Variants in VTI1A observed in about 807,000 individuals in gnomAD.
The protein encoded by VTI1A is vesicle transport through interaction with t-SNAREs homolog 1A.
Under a neutral mutation model 34.9 loss-of-function variants are expected in VTI1A, and 22 were observed. That is an observed-to-expected ratio of 0.63 (90% CI 0.45 to 0.90). The LOEUF (loss-of-function observed/expected upper bound fraction) is 0.90, where lower values mean the gene tolerates loss of function less well. Ranked by LOEUF, VTI1A falls within the 40% of genes least tolerant of loss-of-function variation. The probability of loss-of-function intolerance (pLI) is 0.00; values close to 1 mark genes in which losing one functional copy is unlikely to be tolerated. For synonymous variants in VTI1A, 87 were observed against 97.3 expected (o/e 0.89, Z 0.62); for missense variants, 268 against 275.6 (o/e 0.97, Z 0.20).
chr10:112,669,018 A>T lies in VTI1A; in HGVS notation c.560+20A>T. 6.2e-7 allele frequency: 1 copy of T among 1,610,126 alleles called. No homozygotes were observed. Among genetic ancestry groups the T allele is most frequent in the Admixed American group, 1.7e-5 (1 of 59,688 alleles). On this transcript the variant is annotated intron_variant, in intron 7 of 7. Coordinates refer to ENST00000393077, the MANE Select transcript of VTI1A (RefSeq NM_145206.4). ...GCGAAGGTAAGAGCAAGGTAGGGAC[A>T]TATCTTTCTCTCTGTGTGTTTTTTT...
At chr10:112,530,878 G>A (rs1850397678) in intron 4 of VTI1A, among the ~76,000 whole-genome samples, 1 of 152,076 alleles carries the variant, frequency 6.6e-6, no homozygotes, top group African/African-American at 2.4e-5. Context: ...ACGTGCTGAG[G>A]GTTTATAGCA....
intron 5 of VTI1A, among the ~76,000 whole-genome samples, chr10:112,609,760 G>T (rs939588107): frequency 1.3e-5 from 2 of 152,050 alleles, no homozygotes; most frequent in African/African-American, 4.8e-5. Flanking sequence ...AATCACATTG[G>T]TGAATTAAAT....
intron 5 of VTI1A, among the ~76,000 whole-genome samples, chr10:112,640,898 A>T (rs1292856624): frequency 6.6e-6 from 1 of 152,178 alleles, no homozygotes. Context: ...TGGGCTCCAG[A>T]AAGACGTTGA....
chr10:112,704,590 T>A (rs2133907034), intron 7 of VTI1A, among the ~76,000 whole-genome samples: 1 of 152,324 alleles, frequency 6.6e-6, no homozygotes, highest in East Asian at 1.9e-4. Context: ...AAATTGAGAC[T>A]GTTTTTAATG....
rs529477357 is a variant in VTI1A at position 112,645,477 on chromosome 10, A to G, written c.428-22741A>G. Among the ~76,000 whole-genome samples, 48 of 152,334 alleles carry G rather than the reference A, an allele frequency of 3.2e-4. No homozygotes were observed. In the South Asian group the frequency reaches 9.3e-3, roughly 30 times the overall value. On this transcript the variant is annotated intron_variant, in intron 5 of 7. Transcript: ENST00000393077. The stretch of plus-strand genomic sequence containing the variant: ...CCATGATTGCAGAAGTGCTAGGGCT[A>G]TATAAAGGAGCCATGCCCCAGGGCC...
At chr10:112,518,404 A>C (rs571486972) in intron 3 of VTI1A, among the ~76,000 whole-genome samples, 2 of 151,576 alleles carry the variant, frequency 1.3e-5, no homozygotes, top group South Asian at 4.2e-4. Context: ...TTGCTGGGGG[A>C]GAGTAATGTA....
At chr10:112,660,311 G>A (rs1272468659) in intron 5 of VTI1A, among the ~76,000 whole-genome samples, 1 of 152,128 alleles carries the variant, frequency 6.6e-6, no homozygotes, top group African/African-American at 2.4e-5. Flanking sequence ...TGTTGGCCAG[G>A]ATGATCTCGA....
At chr10:112,685,661 GT>G (rs35366604) in intron 7 of VTI1A, among the ~76,000 whole-genome samples, 51,494 of 151,846 alleles carry the variant, frequency 0.34, 8,950 homozygotes, top group East Asian at 0.48. Flanking sequence ...GGATGTTGTT[GT>G]TTTTTTCCCC....
rs187729444 is a variant in VTI1A, at chr10:112,803,138, G to A, written c.561-12152G>A. Among the ~76,000 whole-genome samples, 33 of 152,056 alleles carry A rather than the reference G, an allele frequency of 2.2e-4. No homozygotes were observed. The East Asian group carries it at 5.0e-3, about 23-fold the overall frequency. On this transcript the variant is annotated intron_variant, in intron 7 of 7. Coordinates refer to ENST00000393077, the MANE Select transcript of VTI1A (RefSeq NM_145206.4). ...GGCTGGAGTGTAATGGTTCAATCTCGGCTCATTGCAACCTCTGCCTCCTGG... is the reference window on the plus strand; with the variant it reads ...GGCTGGAGTGTAATGGTTCAATCTCAGCTCATTGCAACCTCTGCCTCCTGG...
At chr10:112,605,796 A>G (rs1392602614) in intron 5 of VTI1A, among the ~76,000 whole-genome samples, 1 of 152,214 alleles carries the variant, frequency 6.6e-6, no homozygotes, top group Admixed American at 6.5e-5. Context: ...GGTGGAACAC[A>G]GGGGTATGGG....
chr10:112,754,297 C>A (rs959933692), intron 7 of VTI1A, among the ~76,000 whole-genome samples: 2 of 151,974 alleles, frequency 1.3e-5, no homozygotes, highest in East Asian at 3.9e-4. Context: ...CAGGCCGCCC[C>A]GCTCATTAAA....
intron 7 of VTI1A, among the ~76,000 whole-genome samples, chr10:112,731,064 T>C (rs1352473064): frequency 6.6e-6 from 1 of 152,182 alleles, no homozygotes; most frequent in East Asian, 1.9e-4. Context: ...GCCTTCTTTG[T>C]TGCATTCTGG....
At chr10:112,649,010 A>G (rs1313744175) in intron 5 of VTI1A, among the ~76,000 whole-genome samples, 1 of 152,110 alleles carries the variant, frequency 6.6e-6, no homozygotes. Flanking sequence ...TTAAGGTTTC[A>G]GTCACTTTTC....
chr10:112,571,896 G>A (rs1310392520), intron 5 of VTI1A, among the ~76,000 whole-genome samples: 2 of 152,076 alleles, frequency 1.3e-5, no homozygotes, highest in Non-Finnish European at 2.9e-5. Flanking sequence ...AAAACTAAAT[G>A]CCACATATTC....
intron 3 of VTI1A, among the ~76,000 whole-genome samples, chr10:112,514,151 TG>T (rs559279688): frequency 2.4e-4 from 36 of 152,090 alleles, no homozygotes; most frequent in African/African-American, 8.4e-4. Flanking sequence ...GAATTTTCTT[TG>T]TTGGGAGACT....
At chr10:112,778,504 T>A (rs1042014380) in intron 7 of VTI1A, among the ~76,000 whole-genome samples, 2 of 152,172 alleles carry the variant, frequency 1.3e-5, no homozygotes, top group Non-Finnish European at 2.9e-5. Context: ...GTTGTATTTT[T>A]AAAAAGAATT....
intron 7 of VTI1A, chr10:112,736,777 C>G: frequency 6.6e-7 from 1 of 1,516,682 alleles, no homozygotes; most frequent in South Asian, 1.2e-5. Flanking sequence ...AGGCTTGAAC[C>G]AGAACCAGCC....
the VTI1A span, among the ~76,000 whole-genome samples, chr10:112,844,419 A>G: frequency 1.3e-5 from 2 of 152,222 alleles, no homozygotes; most frequent in Non-Finnish European, 2.9e-5. Context: ...GATAAAGCCA[A>G]GACGGAGTCT....
intron 7 of VTI1A, among the ~76,000 whole-genome samples, chr10:112,782,815 G>C (rs188502625): frequency 6.6e-6 from 1 of 152,090 alleles, no homozygotes; most frequent in Non-Finnish European, 1.5e-5. Context: ...TACTGGGGGG[G>C]ATTCCAGCTT....
Sources: gnomAD v4.1 joint callset for allele counts (sites outside exome capture counted in the v4.1 genomes callset) on GRCh38, gnomAD v4.1.1 for gene constraint, MANE v1.5 for transcripts, NCBI Gene and HGNC (gene_info 2026-07-23, HGNC 2026-07-21) for gene names.